Variants in ZNF638 observed in about 807,000 individuals in gnomAD.
ZNF638 encodes CTCL tumor antigen se33-1.
In ZNF638, 46 loss-of-function variants were observed where a neutral mutation model predicts 195.6. The ratio of observed to expected loss-of-function variants is 0.24; its 90% confidence interval spans 0.19 to 0.30. The LOEUF is 0.30. Ranked by LOEUF, ZNF638 falls within the 10% of genes least tolerant of loss-of-function variation. The pLI is 1.00. For synonymous variants in ZNF638, 845 were observed against 772.0 expected (o/e 1.09, Z -1.57); for missense variants, 2,440 against 2,325.3 (o/e 1.05, Z -1.01).
rs761248032 is a variant in ZNF638, at chr2:71,434,830, C to T, written c.*23C>T. On this transcript the variant is annotated 3_prime_UTR_variant, in exon 28 of 28. Transcript: ENST00000264447. ...TGATTGGGGGAAAGGAAAGAATTCA[C>T]TAGAAATTTGTTTAGGGTCCAGTTG... is the stretch of plus-strand genomic sequence containing the variant. The T allele has an allele frequency of 6.4e-7, 1 of 1,572,738 alleles. No individual in the cohort carries two copies. The highest frequency in any genetic ancestry group is 1.7e-4 in the Middle Eastern group (1 of 5,868).
At chr2:71,339,941 T>A (rs1573015449) in intron 1 of ZNF638, among the ~76,000 whole-genome samples, 1 of 152,240 alleles carries the variant, frequency 6.6e-6, no homozygotes, top group Non-Finnish European at 1.5e-5. Context: ...TGTTTACGTA[T>A]GCAGGTCACA....
chr2:71,426,886 G>C lies in ZNF638; in HGVS notation c.5017G>C (p.Asp1673His). The change falls in exon 24 of 28, where the codon GAT (aspartate) becomes CAT (histidine). Residue 1673 changes from aspartate to histidine, a missense_variant. Asp to His is a moderately conservative substitution (Grantham distance 81, BLOSUM62 -1). Coordinates refer to ENST00000264447, the MANE Select transcript of ZNF638 (RefSeq NM_014497.5). ...TGTTCTGTCAGTGGCTGAAGAACAA[G>C]ATCTCCTCAAACAGGAACGCTTGGT... ...VTVLSVAEEQ[D>H]LLKQERLVTV... 6.2e-7 allele frequency: 1 copy of C among 1,614,182 alleles called. No individual in the cohort carries two copies. Among genetic ancestry groups the C allele is most frequent in the Non-Finnish European group, 8.5e-7 (1 of 1,180,024 alleles).
intron 10 of ZNF638, 70 bp downstream of exon 10, chr2:71,380,635 A>T: frequency 3.0e-6 from 4 of 1,317,978 alleles, no homozygotes. Context: ...TTAGATGATG[A>T]TGCTATGAAG....
intron 21 of ZNF638, among the ~76,000 whole-genome samples, chr2:71,420,513 G>T (rs115870171): frequency 6.6e-6 from 1 of 152,180 alleles, no homozygotes; most frequent in South Asian, 2.1e-4. Context: ...AGGTTTCTCA[G>T]AATGTTTGTC....
intron 26 of ZNF638, among the ~76,000 whole-genome samples, chr2:71,432,768 A>T (rs1462148636): frequency 1.3e-5 from 2 of 152,206 alleles, no homozygotes; most frequent in Non-Finnish European, 2.9e-5. Context: ...TTAAGTATAT[A>T]CTGTGCTTAA....
At chr2:71,410,262 T>G (rs2080185353) in intron 20 of ZNF638, among the ~76,000 whole-genome samples, 1 of 152,188 alleles carries the variant, frequency 6.6e-6, no homozygotes, top group African/African-American at 2.4e-5. Flanking sequence ...GCCCACATGA[T>G]TTAAACCTTA....
At chr2:71,417,721 C>G (rs934648279) in intron 20 of ZNF638, among the ~76,000 whole-genome samples, 2 of 151,324 alleles carry the variant, frequency 1.3e-5, no homozygotes, top group Non-Finnish European at 1.5e-5. Flanking sequence ...AGTAAACACT[C>G]TCTGTAATTG....
intron 10 of ZNF638, chr2:71,395,600 G>C: frequency 1.7e-6 from 1 of 581,908 alleles, no homozygotes; most frequent in Non-Finnish European, 3.2e-6. Flanking sequence ...CTCCCAAGGC[G>C]GTGGGGGTGA....
intron 10 of ZNF638, chr2:71,388,774 A>G (rs994349134): frequency 4.3e-6 from 4 of 936,616 alleles, no homozygotes. Context: ...GAATTCTCAG[A>G]CTAGAGTTTC....
chr2:71,378,879 AG>A (rs1387320524), intron 8 of ZNF638, among the ~76,000 whole-genome samples: 18 of 152,336 alleles, frequency 1.2e-4, no homozygotes, highest in African/African-American at 4.3e-4. Flanking sequence ...AGGAGTAGAA[AG>A]GATGCTTGGG....
At chr2:71,339,306 G>A (rs1429672971) in intron 1 of ZNF638, among the ~76,000 whole-genome samples, 1 of 151,826 alleles carries the variant, frequency 6.6e-6, no homozygotes, top group East Asian at 1.9e-4. Context: ...GCGCCTGCCA[G>A]CACACCCGGC....
Position 71,427,301 on chromosome 2 carries a change from A to G in ZNF638, c.5432A>G (p.Lys1811Arg). The G allele has an allele frequency of 6.2e-7, 1 of 1,613,634 alleles. No individual in the cohort carries two copies. The highest frequency in any genetic ancestry group is 8.5e-7 in the Non-Finnish European group (1 of 1,179,928). ...HPTDKKGNRKKRAVDTKKTKL... is the reference protein window; with the variant it reads ...HPTDKKGNRKRRAVDTKKTKL... ...ACAGATAAAAAAGGGAATAGAAAGAAGAGAGCTGTGGACACAAAAAAGACA... is the reference window on the plus strand; with the variant it reads ...ACAGATAAAAAAGGGAATAGAAAGAGGAGAGCTGTGGACACAAAAAAGACA... The change falls in exon 24 of 28, where the codon AAG (lysine) becomes AGG (arginine). Residue 1811 changes from lysine to arginine, a missense_variant. Coordinates refer to ENST00000264447, the MANE Select transcript of ZNF638 (RefSeq NM_014497.5).
chr2:71,430,620 A>G (rs2080638492), intron 25 of ZNF638, among the ~76,000 whole-genome samples: 1 of 152,212 alleles, frequency 6.6e-6, no homozygotes, highest in Non-Finnish European at 1.5e-5. Context: ...CTCTGAAGAA[A>G]TAGGGATGGG....
intron 10 of ZNF638, chr2:71,393,676 A>G (rs1468330618): frequency 1.4e-6 from 1 of 713,346 alleles, no homozygotes; most frequent in Non-Finnish European, 2.6e-6. Flanking sequence ...GATCCTTTTT[A>G]TGCTCTCGCT....
intron 12 of ZNF638, 46 bp downstream of exon 12, chr2:71,398,818 A>G: frequency 2.0e-6 from 3 of 1,467,146 alleles, no homozygotes; most frequent in East Asian, 2.3e-5. Flanking sequence ...TTCTTTATTT[A>G]TGTTTTAAAT....
intron 10 of ZNF638, among the ~76,000 whole-genome samples, chr2:71,382,063 T>C (rs1209218764): frequency 6.6e-6 from 1 of 152,164 alleles, no homozygotes; most frequent in East Asian, 1.9e-4. Context: ...ATGGAATTTT[T>C]CAGTAAGTGA....
chr2:71,402,364 TAATA>T (rs760257477), intron 16 of ZNF638, among the ~76,000 whole-genome samples: 9 of 152,160 alleles, frequency 5.9e-5, no homozygotes, highest in African/African-American at 9.6e-5. Flanking sequence ...TCAATATGTT[TAATA>T]AATATATCTT....
In ZNF638 at chr2:71,423,348, T is replaced by C. The variant is rs770154990; in HGVS notation, c.3834T>C (p.Thr1278=). The C allele has an allele frequency of 1.2e-6, 2 of 1,613,756 alleles. No homozygotes were observed. The highest frequency in any genetic ancestry group is 2.7e-5 in the African/African-American group (2 of 74,884). ...NETVSEILPS[T]CIVTLVPGIP... is the part of the protein sequence containing the mutation. ...CTGTTTCGGAAATATTGCCATCAAC[T>C]TGTATTGTGACGTTAGTACCAGGAA... Residue 1278 remains threonine, a synonymous_variant, in exon 22 of 28, where the codon ACT becomes ACC. Coordinates refer to ENST00000264447, the MANE Select transcript of ZNF638 (RefSeq NM_014497.5).
chr2:71,367,426 T>G (rs2079219953), intron 6 of ZNF638, among the ~76,000 whole-genome samples: 1 of 118,092 alleles, frequency 8.5e-6, no homozygotes, highest in Non-Finnish European at 1.7e-5. Flanking sequence ...CAGCTGGGTG[T>G]TTTAATTTTT....
Sources: allele counts gnomAD v4.1 joint callset (sites outside exome capture counted in the v4.1 genomes callset), GRCh38; gene constraint gnomAD v4.1.1; transcripts MANE v1.5; gene names NCBI Gene and HGNC (gene_info 2026-07-23, HGNC 2026-07-21).